The following KLHL32 variants were observed in gnomAD, a reference collection of about 807,000 sequenced individuals.
KLHL32 encodes kelch-like protein 32.
In KLHL32, 35 loss-of-function variants were observed where a neutral mutation model predicts 64.8. The observed-to-expected ratio is 0.54, with a 90% CI of 0.41 to 0.72. The LOEUF is 0.72. KLHL32 is among the 30% of genes least tolerant of loss of function. The pLI, the probability that KLHL32 is intolerant of heterozygous loss-of-function variation, is 0.00. For missense variants in KLHL32, 589 were observed against 768.5 expected, an observed-to-expected ratio of 0.77 and a Z score of 2.76; for synonymous variants, 259 against 281.0, an observed-to-expected ratio of 0.92 and a Z score of 0.78.
At chr6:96,945,538 C>G (rs1036417077) in intron 1 of KLHL32, among the ~76,000 whole-genome samples, 2 of 152,256 alleles carry the variant, frequency 1.3e-5, no homozygotes, top group African/African-American at 4.8e-5. Context: ...TTCACCCAAG[C>G]CTACTCAGAC....
chr6:97,013,553 C>T (rs1780697059), intron 3 of KLHL32, among the ~76,000 whole-genome samples: 1 of 152,188 alleles, frequency 6.6e-6, no homozygotes, highest in African/African-American at 2.4e-5. Flanking sequence ...CATACACAGA[C>T]ACACACATAC....
intron 1 of KLHL32, among the ~76,000 whole-genome samples, chr6:96,945,358 C>T (rs73758068): frequency 0.023 from 3,457 of 152,314 alleles, 140 homozygotes; most frequent in African/African-American, 0.08. Context: ...AGCAGAAATC[C>T]CAGCCTGTAC....
chr6:97,075,613 G>T lies in KLHL32; in HGVS notation c.412-9513G>T, dbSNP rs186149314. 2.6e-4 allele frequency among the ~76,000 whole-genome samples: 40 copies of T among 152,216 alleles called. No individual in the cohort carries two copies. The East Asian group carries it at 7.7e-3, about 29-fold the overall frequency. On this transcript the variant is annotated intron_variant, in intron 5 of 10. Coordinates refer to ENST00000369261, the MANE Select transcript of KLHL32 (RefSeq NM_052904.4). ...AAGGTTTGGATTTTGTTTATTTATT[G>T]GTTTGTTTCAACCTGTTCCAAAGGC... is the stretch of plus-strand genomic sequence containing the variant.
intron 6 of KLHL32, among the ~76,000 whole-genome samples, chr6:97,098,616 A>G (rs1795299761): frequency 6.6e-6 from 1 of 152,236 alleles, no homozygotes; most frequent in African/African-American, 2.4e-5. Flanking sequence ...AGAAGTCTCC[A>G]AAAATGAATT....
chr6:97,099,040 C>T (rs1312396810), intron 6 of KLHL32, among the ~76,000 whole-genome samples: 2 of 152,182 alleles, frequency 1.3e-5, no homozygotes, highest in Non-Finnish European at 2.9e-5. Flanking sequence ...AAGCAAAGGC[C>T]GTTTCATCTT....
intron 5 of KLHL32, among the ~76,000 whole-genome samples, chr6:97,069,546 T>A (rs1212602023): frequency 6.6e-6 from 1 of 152,014 alleles, no homozygotes; most frequent in Non-Finnish European, 1.5e-5. Flanking sequence ...TGCACATGGT[T>A]TAATGTAGTT....
intron 6 of KLHL32, among the ~76,000 whole-genome samples, chr6:97,091,854 G>C (rs1424957129): frequency 6.6e-6 from 1 of 152,114 alleles, no homozygotes; most frequent in Non-Finnish European, 1.5e-5. Context: ...AATTCTACAA[G>C]CTGTGTTCAT....
At chr6:97,061,186 A>G (rs924815759) in intron 4 of KLHL32, among the ~76,000 whole-genome samples, 1 of 152,112 alleles carries the variant, frequency 6.6e-6, no homozygotes, top group Non-Finnish European at 1.5e-5. Context: ...GCCCCCACCT[A>G]AGTTTGCTCC....
chr6:97,091,310 T>TA, intron 6 of KLHL32, among the ~76,000 whole-genome samples: 1 of 152,380 alleles, frequency 6.6e-6, no homozygotes, highest in Non-Finnish European at 1.5e-5. Context: ...CCTCTGTGCC[T>TA]GCCTCCGTGT....
At chr6:97,096,430 C>G (rs1794999618) in intron 6 of KLHL32, among the ~76,000 whole-genome samples, 1 of 152,170 alleles carries the variant, frequency 6.6e-6, no homozygotes, top group African/African-American at 2.4e-5. Flanking sequence ...AAAGTAGAAG[C>G]TTATTTTCAC....
chr6:96,950,423 GTTCT>G (rs1342377586), intron 1 of KLHL32, among the ~76,000 whole-genome samples: 3 of 151,362 alleles, frequency 2.0e-5, no homozygotes, highest in East Asian at 1.9e-4. Flanking sequence ...TCATGCCCAC[GTTCT>G]TTCTTCTACC....
rs1800437220 is a variant in KLHL32, at chr6:97,139,358, C to T, written c.*76C>T. The T allele has an allele frequency of 3.9e-5, 49 of 1,258,310 alleles. No individual in the cohort carries two copies. The highest frequency in any genetic ancestry group is 5.4e-5 in the Non-Finnish European group (48 of 897,146). The allele number at this position is 1,258,310 out of a possible 1,614,324, so 77.9% of individuals were successfully genotyped here. ...ACTGGGCATGAAAAGACTCAGTGCT[C>T]CATGCTTCCTTGTCTTGCTTTATAG... On this transcript the variant is annotated 3_prime_UTR_variant, in exon 11 of 11. Transcript: ENST00000369261.
At chr6:96,942,089 T>A (rs1470596630) in intron 1 of KLHL32, among the ~76,000 whole-genome samples, 4 of 152,224 alleles carry the variant, frequency 2.6e-5, no homozygotes, top group Admixed American at 2.6e-4. Flanking sequence ...TGGGCCATGA[T>A]CTGAAAGAGT....
At chr6:97,134,195 G>GAA (rs1179947493) in intron 10 of KLHL32, among the ~76,000 whole-genome samples, 1 of 152,126 alleles carries the variant, frequency 6.6e-6, no homozygotes, top group Non-Finnish European at 1.5e-5. Context: ...AAAGAAAGTA[G>GAA]AAGAGGAGAG....
Position 97,139,298 on chromosome 6 carries a change from T to C in KLHL32, c.*16T>C, listed in dbSNP as rs201751081. On this transcript the variant is annotated 3_prime_UTR_variant, in exon 11 of 11. Transcript: ENST00000369261. The stretch of plus-strand genomic sequence containing the variant: ...CACCATCTGAAAAGCCAAGCCATCA[T>C]GAACAGGAGGAAAACATAGCTCTGA... The C allele has an allele frequency of 1.3e-5, 21 of 1,607,304 alleles. No individual in the cohort carries two copies. The East Asian group carries it at 3.3e-4, about 26-fold the overall frequency.
intron 4 of KLHL32, among the ~76,000 whole-genome samples, chr6:97,056,870 C>T (rs995507528): frequency 6.6e-6 from 1 of 152,132 alleles, no homozygotes; most frequent in African/African-American, 2.4e-5. Context: ...AAGACCCTGT[C>T]TCTATTTTAA....
chr6:97,039,098 AAAAAAAAG>A (rs929834176), intron 3 of KLHL32, among the ~76,000 whole-genome samples: 7 of 151,546 alleles, frequency 4.6e-5, no homozygotes, highest in East Asian at 3.9e-4. Context: ...TCAAAAAAAA[AAAAAAAAG>A]AAAAAAAGAA....
chr6:97,037,627 A>G (rs1440968887), intron 3 of KLHL32, among the ~76,000 whole-genome samples: 3 of 152,196 alleles, frequency 2.0e-5, no homozygotes, highest in Non-Finnish European at 2.9e-5. Context: ...TACAGATTCA[A>G]TGCAATCCAT....
chr6:97,091,443 G>T (rs1212082220), intron 6 of KLHL32, among the ~76,000 whole-genome samples: 1 of 152,098 alleles, frequency 6.6e-6, no homozygotes, highest in Non-Finnish European at 1.5e-5. Context: ...TACTACTATT[G>T]CCTGCCATAT....
Sources: gnomAD v4.1 joint callset for allele counts (sites outside exome capture counted in the v4.1 genomes callset) on GRCh38, gnomAD v4.1.1 for gene constraint, MANE v1.5 for transcripts, NCBI Gene and HGNC (gene_info 2026-07-23, HGNC 2026-07-21) for gene names.